Variants in CENPN observed in about 807,000 individuals in gnomAD.
CENPN encodes the protein interphase centromere complex protein 32.
A neutral mutation model predicts 48.6 loss-of-function variants in CENPN; 36 were observed. The ratio of observed to expected loss-of-function variants is 0.74; its 90% confidence interval spans 0.57 to 0.98. The LOEUF (loss-of-function observed/expected upper bound fraction) is 0.98. Among genes scored for constraint, CENPN ranks in the 50% least tolerant of loss-of-function variants. CENPN has a pLI of 0.00. For missense variants in CENPN, 439 were observed against 399.2 expected (o/e 1.10, Z -0.85); for synonymous variants, 166 against 135.2 (o/e 1.23, Z -1.58).
intron 6 of CENPN, 62 bp downstream of exon 6, chr16:81,020,338 A>AT: frequency 6.8e-7 from 1 of 1,468,820 alleles, no homozygotes; most frequent in Non-Finnish European, 9.2e-7. Context: ...GTCTATATAG[A>AT]TTTTAACTGT....
chr16:81,022,709 C>CAGTG lies in CENPN; in HGVS notation c.633+13_633+16dup. ...AAACAGTATAATCAGGTGAGCCAAT[C>CAGTG]AGTGACTCTCTTTAAAGGTAAATCT... On this transcript the variant is annotated intron_variant, in intron 7 of 10. Coordinates refer to ENST00000305850, the MANE Select transcript of CENPN (RefSeq NM_001100624.3). 6.2e-7 allele frequency: 1 copy of CAGTG among 1,614,070 alleles called. No homozygotes were observed. The highest frequency in any genetic ancestry group is 1.7e-5 in the Admixed American group (1 of 60,018).
At position 81,026,085 on chromosome 16, in the gene CENPN, GTGTGTA is replaced by G. The variant is rs1970460087; in HGVS notation, c.698-439_698-434del. 6.8e-5 allele frequency among the ~76,000 whole-genome samples: 10 copies of G among 147,308 alleles called. No individual in the cohort carries two copies. In the South Asian group the frequency reaches 1.5e-3, roughly 22 times the overall value. On this transcript the variant is annotated intron_variant, in intron 8 of 10. Coordinates refer to ENST00000305850, the MANE Select transcript of CENPN (RefSeq NM_001100624.3). ...TATATATATATGTGTGTGTGTGTGTGTGTGTATATATATGTGTGTGTATATATATAT... is the reference window on the plus strand; with the variant it reads ...TATATATATATGTGTGTGTGTGTGTGTATATATGTGTGTGTATATATATAT...
At chr16:81,009,993 G>C (rs1197534274) in intron 1 of CENPN, among the ~76,000 whole-genome samples, 2 of 152,222 alleles carry the variant, frequency 1.3e-5, no homozygotes, top group Non-Finnish European at 2.9e-5. Flanking sequence ...GAGGTCAGGA[G>C]TTCGAGACCA....
downstream of CENPN, chr16:81,032,430 C>A: frequency 1.3e-6 from 1 of 753,876 alleles, no homozygotes; most frequent in Non-Finnish European, 2.2e-6. Context: ...GGTATATAAG[C>A]GTCCACACCC....
intron 1 of CENPN, among the ~76,000 whole-genome samples, chr16:81,008,762 C>T (rs920183084): frequency 6.6e-6 from 1 of 152,246 alleles, no homozygotes; most frequent in African/African-American, 2.4e-5. Flanking sequence ...ACACATTAGA[C>T]TGTTCTTGGC....
At chr16:81,013,863 GGAT>G (rs1486204184) in intron 2 of CENPN, among the ~76,000 whole-genome samples, 3 of 152,246 alleles carry the variant, frequency 2.0e-5, no homozygotes, top group Non-Finnish European at 4.4e-5. Context: ...ACAGTTTAAT[GGAT>G]GATAATTATA....
At chr16:81,018,067 A>C (rs896304378) in intron 5 of CENPN, among the ~76,000 whole-genome samples, 11 of 152,132 alleles carry the variant, frequency 7.2e-5, no homozygotes, top group African/African-American at 2.4e-4. Context: ...AGTCCAACAG[A>C]GCTTTCTGCA....
chr16:81,028,451 G>C, intron 10 of CENPN, 118 bp from the exon 11 acceptor site: 1 of 1,492,182 alleles, frequency 6.7e-7, no homozygotes, highest in Non-Finnish European at 9.1e-7. Context: ...TACTTAATAG[G>C]GAGGAGGGGC....
chr16:81,007,745 C>G (rs895903751), intron 1 of CENPN, among the ~76,000 whole-genome samples: 2 of 152,148 alleles, frequency 1.3e-5, no homozygotes, highest in African/African-American at 4.8e-5. Context: ...TCTTTTTGAT[C>G]ATGCGTTCCA....
chr16:81,014,436 T>C (rs1372387408), intron 3 of CENPN: 10 of 424,316 alleles, frequency 2.4e-5, no homozygotes, highest in Non-Finnish European at 3.5e-5. Flanking sequence ...TTTTGCCGTG[T>C]TGCCCAGGCT....
At position 81,028,806 on chromosome 16, in the gene CENPN, A is replaced by G; in HGVS notation, c.*155A>G. The G allele has an allele frequency of 2.1e-6, 3 of 1,412,080 alleles. No homozygotes were observed. Among genetic ancestry groups the G allele is most frequent in the Non-Finnish European group, 2.8e-6 (3 of 1,088,208 alleles). The allele number at this position is 1,412,080 out of a possible 1,614,324, so 87.5% of individuals were successfully genotyped here. On this transcript the variant is annotated 3_prime_UTR_variant, in exon 11 of 11. Transcript: ENST00000305850. ...AATGCTCACATAATTGTTGGGACTG[A>G]TTCATTCCTCCACGATATGCCTCCT...
intron 8 of CENPN, among the ~76,000 whole-genome samples, chr16:81,025,125 C>G (rs1206624235): frequency 7.5e-6 from 1 of 132,780 alleles, no homozygotes; most frequent in Non-Finnish European, 1.6e-5. Context: ...CATCAGGAAA[C>G]TGGGTTTCAG....
At chr16:81,025,918 G>T (rs929710325) in intron 8 of CENPN, among the ~76,000 whole-genome samples, 2 of 151,140 alleles carry the variant, frequency 1.3e-5, no homozygotes, top group Admixed American at 1.3e-4. Flanking sequence ...GGCCAGGCTG[G>T]TCTGGAACTT....
chr16:81,022,557 C>A, intron 6 of CENPN, 40 bp from the exon 7 acceptor site: 1 of 1,488,458 alleles, frequency 6.7e-7, no homozygotes, highest in Non-Finnish European at 9.4e-7. Flanking sequence ...AACACAGAGG[C>A]AGTAATCCTA....
chr16:81,027,310 G>A (rs1279379723), intron 9 of CENPN, among the ~76,000 whole-genome samples: 1 of 152,120 alleles, frequency 6.6e-6, no homozygotes. Flanking sequence ...GGGCGACACA[G>A]CAAAACCCTG....
chr16:81,013,114 C>T (rs1442144607), intron 2 of CENPN, among the ~76,000 whole-genome samples: 1 of 152,132 alleles, frequency 6.6e-6, no homozygotes, highest in African/African-American at 2.4e-5. Context: ...AAGCCACAAA[C>T]TGGAAACAAC....
chr16:81,013,142 G>A (rs994228710), intron 2 of CENPN, among the ~76,000 whole-genome samples: 3 of 152,068 alleles, frequency 2.0e-5, no homozygotes, highest in African/African-American at 7.2e-5. Flanking sequence ...TCCATCAGCA[G>A]GTAAACAGAT....
intron 8 of CENPN, among the ~76,000 whole-genome samples, chr16:81,025,517 A>C (rs537860138): frequency 6.6e-6 from 1 of 152,264 alleles, no homozygotes; most frequent in South Asian, 2.1e-4. Context: ...TTAGGTAAAG[A>C]AATCAGGATA....
rs147211540 is a variant in CENPN at position 81,029,612 on chromosome 16, A to G, written c.*961A>G. 3.0e-3 allele frequency among the ~76,000 whole-genome samples: 454 copies of G among 151,602 alleles called. 4 individuals are homozygous for G. The highest frequency in any genetic ancestry group is 0.01 in the African/African-American group (432 of 41,312). On this transcript the variant is annotated 3_prime_UTR_variant, in exon 11 of 11. Transcript: ENST00000305850. ...TGTTTTTTGAGACAAGTCTCCTTCT[A>G]TCGCCCAGGCTGGAGTGCAATGGCA...
Sources: gnomAD v4.1 joint callset for allele counts (sites outside exome capture counted in the v4.1 genomes callset) on GRCh38, gnomAD v4.1.1 for gene constraint, MANE v1.5 for transcripts, NCBI Gene and HGNC (gene_info 2026-07-23, HGNC 2026-07-21) for gene names.